FOXN3: variants seen among roughly 807,000 people sequenced by gnomAD.
FOXN3 encodes the protein forkhead box N3.
A neutral mutation model predicts 38.4 loss-of-function variants in FOXN3; 7 were observed. The observed-to-expected ratio is 0.18, with a 90% CI of 0.10 to 0.34. The LOEUF (loss-of-function observed/expected upper bound fraction) is 0.34, where lower values mean the gene tolerates loss of function less well. Ranked by LOEUF, FOXN3 falls within the 10% of genes least tolerant of loss-of-function variation. The pLI, the probability that FOXN3 is intolerant of heterozygous loss-of-function variation, is 1.00. For synonymous variants in FOXN3, 230 were observed against 242.2 expected, an observed-to-expected ratio of 0.95 and a Z score of 0.47; for missense variants, 456 against 613.4, an observed-to-expected ratio of 0.74 and a Z score of 2.71.
intron 2 of FOXN3, among the ~76,000 whole-genome samples, chr14:89,401,959 T>C (rs991845800): frequency 6.6e-5 from 10 of 152,154 alleles, no homozygotes; most frequent in Admixed American, 6.5e-5. Context: ...TACTGTCTCC[T>C]GCTGAGTTCA....
At chr14:89,363,744 C>G (rs1191424487) in intron 2 of FOXN3, among the ~76,000 whole-genome samples, 1 of 151,988 alleles carries the variant, frequency 6.6e-6, no homozygotes, top group African/African-American at 2.4e-5. Context: ...AGAACAGAGC[C>G]AAGTTATTCA....
chr14:89,532,103 C>T (rs1350297183), intron 1 of FOXN3, among the ~76,000 whole-genome samples: 1 of 152,146 alleles, frequency 6.6e-6, no homozygotes, highest in Non-Finnish European at 1.5e-5. Flanking sequence ...GGTGGTAGAG[C>T]CCAGATGGCT....
At chr14:89,302,802 ACCCTCTTCAAAGGCTGCCCACCTCCG>A (rs930912561) in intron 3 of FOXN3, among the ~76,000 whole-genome samples, 6 of 151,558 alleles carry the variant, frequency 4.0e-5, no homozygotes, top group African/African-American at 1.5e-4. Flanking sequence ...GTCCACCTCC[ACCCTCTTCAAAGGCTGCCCACCTCCG>A]CCCTCTTCAA....
chr14:89,433,418 G>A (rs1892207378), intron 1 of FOXN3, among the ~76,000 whole-genome samples: 1 of 152,204 alleles, frequency 6.6e-6, no homozygotes, highest in Non-Finnish European at 1.5e-5. Flanking sequence ...GGAGGCTGAG[G>A]TTGCAGTTAG....
chr14:89,391,776 G>A (rs1207977348), intron 2 of FOXN3, among the ~76,000 whole-genome samples: 5 of 152,124 alleles, frequency 3.3e-5, no homozygotes, highest in African/African-American at 7.2e-5. Flanking sequence ...AGGCCGAGGT[G>A]GGTGGACTGC....
intron 4 of FOXN3, among the ~76,000 whole-genome samples, chr14:89,240,705 A>T (rs1291341234): frequency 6.6e-6 from 1 of 152,228 alleles, no homozygotes; most frequent in Non-Finnish European, 1.5e-5. Context: ...TCCGGGGAGG[A>T]GGTTAGGAAG....
At chr14:89,434,202 C>A (rs1255121695) in intron 1 of FOXN3, among the ~76,000 whole-genome samples, 3 of 147,564 alleles carry the variant, frequency 2.0e-5, no homozygotes, top group African/African-American at 7.5e-5. Context: ...GGATTACAGA[C>A]GTGAGTCACT....
intron 4 of FOXN3, among the ~76,000 whole-genome samples, chr14:89,199,924 A>C (rs1888193661): frequency 6.6e-6 from 1 of 152,072 alleles, no homozygotes; most frequent in South Asian, 2.1e-4. Context: ...AACAACAACA[A>C]CAACAAAAAC....
chr14:89,342,401 A>C (rs911967356), intron 3 of FOXN3, among the ~76,000 whole-genome samples: 4 of 152,240 alleles, frequency 2.6e-5, no homozygotes, highest in Non-Finnish European at 5.9e-5. Context: ...ACGTATAATG[A>C]ACAGCATACC....
chr14:89,347,823 C>G (rs1299624289), intron 3 of FOXN3, among the ~76,000 whole-genome samples: 1 of 152,036 alleles, frequency 6.6e-6, no homozygotes, highest in African/African-American at 2.4e-5. Flanking sequence ...GTGGTGGCGC[C>G]TGCCTGTAGT....
chr14:89,227,736 G>A (rs11624027), intron 4 of FOXN3, among the ~76,000 whole-genome samples: 8,837 of 152,232 alleles, frequency 0.058, 279 homozygotes, highest in African/African-American at 0.076. Flanking sequence ...AGAAGGCTCC[G>A]TCTTAGCAGA....
chr14:89,492,746 T>C (rs1356515822), intron 1 of FOXN3, among the ~76,000 whole-genome samples: 2 of 152,148 alleles, frequency 1.3e-5, no homozygotes, highest in Admixed American at 6.5e-5. Context: ...ACAACCCCCA[T>C]AGAAGACACA....
At chr14:89,345,650 C>CA (rs1888739195) in intron 3 of FOXN3, among the ~76,000 whole-genome samples, 1 of 152,184 alleles carries the variant, frequency 6.6e-6, no homozygotes, top group African/African-American at 2.4e-5. Flanking sequence ...TCCGAGTCCC[C>CA]AAAGTCCATT....
chr14:89,447,055 G>C (rs188094477), intron 1 of FOXN3, among the ~76,000 whole-genome samples: 22 of 152,212 alleles, frequency 1.4e-4, no homozygotes, highest in African/African-American at 5.1e-4. Flanking sequence ...AATTAGCCGG[G>C]TGTGGTGGCA....
chr14:89,167,944 T>A (rs922473651), intron 5 of FOXN3, among the ~76,000 whole-genome samples: 10 of 152,144 alleles, frequency 6.6e-5, no homozygotes, highest in Non-Finnish European at 1.3e-4. Context: ...CTGTGTACCC[T>A]CTAAGGGCGT....
chr14:89,602,428 T>G (rs1896171293), intron 1 of FOXN3, among the ~76,000 whole-genome samples: 1 of 152,152 alleles, frequency 6.6e-6, no homozygotes, highest in Non-Finnish European at 1.5e-5. Flanking sequence ...TTTCAGGCAT[T>G]CAGAGGCTTA....
At position 89,163,764 on chromosome 14, in the gene FOXN3, G is replaced by A. The variant is rs1215628968; in HGVS notation, c.852-795C>T. Among the ~76,000 whole-genome samples the A allele has an allele frequency of 1.3e-5, 2 of 152,186 alleles. No individual in the cohort carries two copies. The highest frequency in any genetic ancestry group is 2.9e-5 in the Non-Finnish European group (2 of 68,034). Reference sequence around the variant, plus strand: ...TAGCATCCTTATTTTACAGTGGCTCGAAGTGAAGCCTGGAGAAGTTCAGTG... The same window carrying A: ...TAGCATCCTTATTTTACAGTGGCTCAAAGTGAAGCCTGGAGAAGTTCAGTG... On this transcript the variant is annotated intron_variant, in intron 5 of 5. Transcript: ENST00000557258. This position sits in a 1 kb window ranked among gnomAD's most constrained non-coding sequence, Gnocchi z 4.3.
intron 2 of FOXN3, among the ~76,000 whole-genome samples, chr14:89,405,802 A>G (rs1355176635): frequency 6.6e-6 from 1 of 152,080 alleles, no homozygotes. Flanking sequence ...ACCCATATTC[A>G]CAGGATATTT....
intron 1 of FOXN3, among the ~76,000 whole-genome samples, chr14:89,454,915 T>C (rs1054086703): frequency 2.0e-5 from 3 of 152,204 alleles, no homozygotes; most frequent in African/African-American, 4.8e-5. Context: ...AGTGGGGATA[T>C]GGTTCCTATA....
Sources: gnomAD v4.1 joint callset for allele counts (sites outside exome capture counted in the v4.1 genomes callset) on GRCh38, gnomAD v4.1.1 for gene constraint, Gnocchi (gnomAD v3.1) non-coding constraint, MANE v1.5 for transcripts, NCBI Gene and HGNC (gene_info 2026-07-23, HGNC 2026-07-21) for gene names.